Variants in DACH2 observed in about 807,000 individuals in gnomAD.
The protein encoded by DACH2 is dachshund family transcription factor 2.
DACH2 carries 17 observed loss-of-function variants against 35.8 expected under a neutral mutation model. The observed-to-expected ratio is 0.48, with a 90% CI of 0.33 to 0.71. The LOEUF is 0.71. DACH2 is among the 30% of genes least tolerant of loss of function. The probability of loss-of-function intolerance (pLI) is 0.02; values close to 1 mark genes in which losing one functional copy is unlikely to be tolerated. For missense variants in DACH2, 469 were observed against 472.7 expected (o/e 0.99, Z 0.07); for synonymous variants, 195 against 177.3 (o/e 1.10, Z -0.79).
At chrX:86,583,938 G>A (rs771833488) in intron 3 of DACH2, among the ~76,000 whole-genome samples, 8 of 110,534 alleles carry the variant, frequency 7.2e-5, no homozygotes, top group African/African-American at 9.8e-5. Flanking sequence ...TGCCTGCCTA[G>A]TAAAAAGAAA....
chrX:86,321,634 C>G (rs759849456), intron 1 of DACH2, among the ~76,000 whole-genome samples: 64 of 111,789 alleles, frequency 5.7e-4, no homozygotes, highest in Admixed American at 9.5e-4. Context: ...TATTTCCTCA[C>G]CTTCCTTATC....
intron 4 of DACH2, among the ~76,000 whole-genome samples, chrX:86,685,120 C>T (rs2040926532): frequency 9.0e-6 from 1 of 111,688 alleles, no homozygotes; most frequent in Admixed American, 9.6e-5. Flanking sequence ...TATTTTATAT[C>T]TCTTCTCCTG....
At chrX:86,445,252 G>A (rs1340865744) in intron 2 of DACH2, among the ~76,000 whole-genome samples, 10 of 103,235 alleles carry the variant, frequency 9.7e-5, no homozygotes, top group Non-Finnish European at 1.8e-4. Flanking sequence ...GTAAACTATC[G>A]CAAGAACAAT....
At chrX:86,413,396 A>T (rs1272748496) in intron 2 of DACH2, among the ~76,000 whole-genome samples, 2 of 112,258 alleles carry the variant, frequency 1.8e-5, no homozygotes, top group Non-Finnish European at 3.8e-5. Context: ...CAAGTCAGTG[A>T]CTGCAAACCA....
At chrX:86,204,930 C>A (rs755961255) in intron 1 of DACH2, among the ~76,000 whole-genome samples, 1 of 111,499 alleles carries the variant, frequency 9.0e-6, no homozygotes, top group Non-Finnish European at 1.9e-5. Context: ...GAGATAAAGT[C>A]ACAGGGCTGG....
intron 3 of DACH2, among the ~76,000 whole-genome samples, chrX:86,635,297 G>T (rs139775503): frequency 0.056 from 5,572 of 98,715 alleles, 162 homozygotes; most frequent in East Asian, 0.15. Context: ...TGCAGAAAAG[G>T]CTTTGGATAA....
intron 1 of DACH2, among the ~76,000 whole-genome samples, chrX:86,159,799 A>G (rs1307408805): frequency 8.9e-6 from 1 of 111,773 alleles, no homozygotes; most frequent in East Asian, 2.8e-4. Flanking sequence ...AACAATACAT[A>G]TAATTCAAAA....
At chrX:86,215,335 G>GC in intron 1 of DACH2, among the ~76,000 whole-genome samples, 1 of 111,359 alleles carries the variant, frequency 9.0e-6, no homozygotes, top group South Asian at 3.8e-4. Context: ...TTTGCTAAGT[G>GC]AAACAAAAAT....
intron 5 of DACH2, among the ~76,000 whole-genome samples, chrX:86,710,782 A>AT (rs1234551241): frequency 2.7e-5 from 3 of 111,782 alleles, no homozygotes; most frequent in Non-Finnish European, 3.8e-5. Context: ...AAATGCTTGT[A>AT]TTTTATTCTG....
At chrX:86,320,643 A>C (rs1309590516) in intron 1 of DACH2, among the ~76,000 whole-genome samples, 1 of 112,604 alleles carries the variant, frequency 8.9e-6, no homozygotes, top group Non-Finnish European at 1.9e-5. Context: ...TGGCACCAGC[A>C]AAACCACTAC....
intron 1 of DACH2, among the ~76,000 whole-genome samples, chrX:86,275,981 G>T (rs529318233): frequency 1.8e-5 from 2 of 112,044 alleles, no homozygotes; most frequent in Non-Finnish European, 1.9e-5. Flanking sequence ...GGTTGATTCC[G>T]AAAATTAGCT....
intron 1 of DACH2, among the ~76,000 whole-genome samples, chrX:86,251,635 C>G (rs780114929): frequency 7.2e-4 from 80 of 111,715 alleles, no homozygotes; most frequent in Admixed American, 2.1e-3. Context: ...TAATAGTCTC[C>G]AGTTCCATGC....
intron 7 of DACH2, among the ~76,000 whole-genome samples, chrX:86,794,682 G>A (rs1442095977): frequency 9.0e-6 from 1 of 111,611 alleles, no homozygotes; most frequent in Non-Finnish European, 1.9e-5. Context: ...CAATTTTCTA[G>A]GCAAATGGGG....
At chrX:86,617,586 C>CT (rs996439197) in intron 3 of DACH2, among the ~76,000 whole-genome samples, 5 of 111,199 alleles carry the variant, frequency 4.5e-5, no homozygotes, top group African/African-American at 1.6e-4. Context: ...TAACACTTCT[C>CT]TTTTTTTTAC....
At chrX:86,348,724 C>A (rs1268480320) in intron 1 of DACH2, among the ~76,000 whole-genome samples, 1 of 112,183 alleles carries the variant, frequency 8.9e-6, no homozygotes, top group Non-Finnish European at 1.9e-5. Flanking sequence ...TTCTGTGAAC[C>A]TGAGCATTTG....
intron 2 of DACH2, among the ~76,000 whole-genome samples, chrX:86,383,544 T>G (rs2036078289): frequency 9.8e-6 from 1 of 101,702 alleles, no homozygotes; most frequent in Non-Finnish European, 2.0e-5. Context: ...CACGTTTGTC[T>G]TGACCACTGA....
chrX:86,460,314 G>A (rs2037547540), intron 2 of DACH2, among the ~76,000 whole-genome samples: 1 of 110,834 alleles, frequency 9.0e-6, no homozygotes, highest in South Asian at 3.7e-4. Context: ...AAAATGTTAT[G>A]TGTAAACAAA....
At chrX:86,700,121 C>A (rs1193126440) in intron 5 of DACH2, among the ~76,000 whole-genome samples, 1 of 107,268 alleles carries the variant, frequency 9.3e-6, no homozygotes, top group Non-Finnish European at 1.9e-5. Context: ...ATTATGTGGT[C>A]AATTTTAGTA....
chrX:86,589,921 T>G (rs2039621804), intron 3 of DACH2, among the ~76,000 whole-genome samples: 1 of 112,204 alleles, frequency 8.9e-6, no homozygotes, highest in Non-Finnish European at 1.9e-5. Flanking sequence ...CGCAGTATGT[T>G]TATACATTCA....
Sources: gnomAD v4.1 joint callset for allele counts (sites outside exome capture counted in the v4.1 genomes callset) on GRCh38, gnomAD v4.1.1 for gene constraint, MANE v1.5 for transcripts, NCBI Gene and HGNC (gene_info 2026-07-23, HGNC 2026-07-21) for gene names.